NKAIN1: variants seen among roughly 807,000 people sequenced by gnomAD.
NKAIN1 encodes sodium/potassium transporting ATPase interacting 1.
In NKAIN1, 13 loss-of-function variants were observed where a neutral mutation model predicts 31.6. That is an observed-to-expected ratio of 0.41 (90% CI 0.27 to 0.65). The LOEUF (loss-of-function observed/expected upper bound fraction) is 0.65, where lower values mean the gene tolerates loss of function less well. Ranked by LOEUF, NKAIN1 falls within the 30% of genes least tolerant of loss-of-function variation. The pLI, the probability that NKAIN1 is intolerant of heterozygous loss-of-function variation, is 0.30. For synonymous variants in NKAIN1, 104 were observed against 109.0 expected (o/e 0.95, Z 0.28); for missense variants, 193 against 262.2 (o/e 0.74, Z 1.82).
At chr1:31,190,339 C>G (rs567705438) in intron 1 of NKAIN1, among the ~76,000 whole-genome samples, 1 of 152,318 alleles carries the variant, frequency 6.6e-6, no homozygotes, top group Admixed American at 6.5e-5. Context: ...GGTGACTCCC[C>G]TCCCAGGGAT....
intron 1 of NKAIN1, among the ~76,000 whole-genome samples, chr1:31,224,873 A>AG (rs1645590509): frequency 6.6e-6 from 1 of 152,094 alleles, no homozygotes; most frequent in South Asian, 2.1e-4. Flanking sequence ...ATTTGGATGG[A>AG]GGGGCAACCT....
rs1044279855 is a variant in NKAIN1 at position 31,181,861 on chromosome 1, T to A, written c.613A>T (p.Thr205Ser). 1 of 1,605,984 alleles carries A rather than the reference T, an allele frequency of 6.2e-7. No homozygotes were observed. Among genetic ancestry groups the A allele is most frequent in the African/African-American group, 1.3e-5 (1 of 74,886 alleles). The change falls in exon 6 of 7, where the codon ACG (threonine) becomes TCG (serine). Residue 205 changes from threonine to serine, a missense_variant and splice_region_variant. Physicochemically the swap from Thr to Ser is moderately conservative, Grantham distance 58. Coordinates refer to ENST00000373736, the MANE Select transcript of NKAIN1 (RefSeq NM_024522.3). ...TSHLQLQPLY[T>S]SG ...AGCCAGCAGGGGGCCGTGACCCACG[T>A]GTACAGAGGCTGCAGCTGTAAATGC...
chr1:31,188,366 T>G (rs1365763396), intron 1 of NKAIN1, 179 bp from the exon 2 acceptor site: 6 of 659,432 alleles, frequency 9.1e-6, no homozygotes, highest in Non-Finnish European at 1.5e-5. Flanking sequence ...TGATCATCAC[T>G]TTGGGGTGGG....
At chr1:31,192,834 G>A (rs969266207) in intron 1 of NKAIN1, among the ~76,000 whole-genome samples, 1 of 151,754 alleles carries the variant, frequency 6.6e-6, no homozygotes, top group Non-Finnish European at 1.5e-5. Flanking sequence ...GATTACAGGC[G>A]TGAGCCACCA....
chr1:31,199,697 CAACAT>C (rs1188351800), intron 1 of NKAIN1, among the ~76,000 whole-genome samples: 1 of 152,250 alleles, frequency 6.6e-6, no homozygotes. Flanking sequence ...AGATTTAACT[CAACAT>C]AAGATTAAAA....
At chr1:31,222,068 A>G (rs1479167318) in intron 1 of NKAIN1, among the ~76,000 whole-genome samples, 1 of 152,008 alleles carries the variant, frequency 6.6e-6, no homozygotes, top group Non-Finnish European at 1.5e-5. Context: ...TAGTAGAGAC[A>G]GGGTTTCGCC....
chr1:31,237,245 T>C (rs116364071), intron 1 of NKAIN1, among the ~76,000 whole-genome samples: 2,551 of 152,304 alleles, frequency 0.017, 82 homozygotes, highest in African/African-American at 0.057. Context: ...AGTGAGCCCA[T>C]GTCTCAAACA....
intron 1 of NKAIN1, among the ~76,000 whole-genome samples, chr1:31,220,003 A>ACTTTT (rs138578415): frequency 2.3e-5 from 3 of 127,784 alleles, no homozygotes; most frequent in Non-Finnish European, 1.6e-5. Flanking sequence ...GAACACTCAG[A>ACTTTT]TTTTTTTTTT....
At chr1:31,206,598 G>A (rs1005139036) in intron 1 of NKAIN1, among the ~76,000 whole-genome samples, 2 of 151,918 alleles carry the variant, frequency 1.3e-5, no homozygotes, top group Admixed American at 1.3e-4. Context: ...GCTACACCTG[G>A]CTAATTTTTT....
chr1:31,209,294 G>A (rs1645448691), intron 1 of NKAIN1, among the ~76,000 whole-genome samples: 1 of 152,180 alleles, frequency 6.6e-6, no homozygotes, highest in South Asian at 2.1e-4. Context: ...AGAATCACTT[G>A]AACCCGGGAG....
intron 3 of NKAIN1, among the ~76,000 whole-genome samples, chr1:31,184,534 C>T (rs1645227877): frequency 6.6e-6 from 1 of 152,092 alleles, no homozygotes. Context: ...TTATTTTATC[C>T]CCTCAGCAAC....
intron 3 of NKAIN1, 118 bp from the exon 4 acceptor site, chr1:31,184,132 G>T: frequency 2.4e-6 from 2 of 823,226 alleles, no homozygotes; most frequent in Non-Finnish European, 1.9e-6. Context: ...GCACCTGCAA[G>T]TCCATATTTG....
At chr1:31,228,774 T>C (rs1423918360) in intron 1 of NKAIN1, among the ~76,000 whole-genome samples, 1 of 152,150 alleles carries the variant, frequency 6.6e-6, no homozygotes, top group Non-Finnish European at 1.5e-5. Flanking sequence ...AAAAAAATTT[T>C]TTTTAGAGAT....
intron 1 of NKAIN1, among the ~76,000 whole-genome samples, chr1:31,232,422 TATAGAGAGAGAG>T (rs1419540209): frequency 5.0e-4 from 13 of 25,804 alleles, no homozygotes; most frequent in African/African-American, 1.5e-3. Context: ...TATATATATA[TATAGAGAGAGAG>T]AGAGAGAGAG....
At position 31,181,421 on chromosome 1, in the gene NKAIN1, G is replaced by T. The variant is rs1329330556; in HGVS notation, c.*282C>A. 2.7e-6 allele frequency: 1 copy of T among 375,868 alleles called. No individual in the cohort carries two copies. The highest frequency in any genetic ancestry group is 4.7e-6 in the Non-Finnish European group (1 of 211,810). The allele number at this position is 375,868 out of a possible 1,614,324, so 23.3% of individuals were successfully genotyped here. On this transcript the variant is annotated 3_prime_UTR_variant, in exon 7 of 7. Coordinates refer to ENST00000373736, the MANE Select transcript of NKAIN1 (RefSeq NM_024522.3). Reference sequence around the variant, plus strand: ...AGAGGAAGGCCCCAGCTCACGCCAAGGCTGAGATTAAAAACAAACAAACAA... The same window carrying T: ...AGAGGAAGGCCCCAGCTCACGCCAATGCTGAGATTAAAAACAAACAAACAA...
At chr1:31,217,942 T>C (rs1478526987) in intron 1 of NKAIN1, among the ~76,000 whole-genome samples, 1 of 152,190 alleles carries the variant, frequency 6.6e-6, no homozygotes, top group Non-Finnish European at 1.5e-5. Context: ...AATCATGATT[T>C]ATGCTTCATA....
intron 1 of NKAIN1, among the ~76,000 whole-genome samples, chr1:31,231,819 T>A (rs560085060): frequency 1.3e-5 from 2 of 152,190 alleles, no homozygotes; most frequent in Admixed American, 1.3e-4. Context: ...CGTGAGCCAC[T>A]GCACCTGGCG....
At chr1:31,186,576 G>C (rs1645246214) in intron 2 of NKAIN1, among the ~76,000 whole-genome samples, 1 of 151,882 alleles carries the variant, frequency 6.6e-6, no homozygotes, top group South Asian at 2.1e-4. Flanking sequence ...AGGGAACCAG[G>C]GCAGGTGGAG....
intron 1 of NKAIN1, among the ~76,000 whole-genome samples, chr1:31,206,524 C>A (rs1645425671): frequency 6.6e-6 from 1 of 152,098 alleles, no homozygotes; most frequent in South Asian, 2.1e-4. Flanking sequence ...CAACCTCTGC[C>A]TCCTGGGCTC....
Sources: allele counts gnomAD v4.1 joint callset (sites outside exome capture counted in the v4.1 genomes callset), GRCh38; gene constraint gnomAD v4.1.1; transcripts MANE v1.5; gene names NCBI Gene and HGNC (gene_info 2026-07-23, HGNC 2026-07-21).